AGBL4: variants seen among roughly 807,000 people sequenced by gnomAD.
AGBL4 encodes AGBL carboxypeptidase 4, also known as cytosolic carboxypeptidase 6.
AGBL4 carries 58 observed loss-of-function variants against 66.4 expected under a neutral mutation model. That is an observed-to-expected ratio of 0.87 (90% CI 0.71 to 1.09). The LOEUF (loss-of-function observed/expected upper bound fraction) is 1.09, where lower values mean the gene tolerates loss of function less well. Ranked by LOEUF, AGBL4 falls within the 50% of genes least tolerant of loss-of-function variation. The probability of loss-of-function intolerance (pLI) is 0.00; values close to 1 mark genes in which losing one functional copy is unlikely to be tolerated. For missense variants in AGBL4, 579 were observed against 631.0 expected (o/e 0.92, Z 0.88); for synonymous variants, 234 against 222.9 (o/e 1.05, Z -0.44).
At chr1:49,878,117 G>C (rs1246685158) in intron 1 of AGBL4, among the ~76,000 whole-genome samples, 1 of 147,794 alleles carries the variant, frequency 6.8e-6, no homozygotes, top group East Asian at 1.9e-4. Context: ...CCAGCTCCTG[G>C]ATTCACTGAT....
chr1:48,696,179 G>A (rs1646711603), intron 6 of AGBL4, among the ~76,000 whole-genome samples: 1 of 152,172 alleles, frequency 6.6e-6, no homozygotes, highest in African/African-American at 2.4e-5. Flanking sequence ...CAATTAGCCA[G>A]CTGCCAGGTG....
Position 48,663,187 on chromosome 1 carries a change from T to G in AGBL4, c.689A>C (p.His230Pro). The change falls in exon 7 of 14, where the codon CAC becomes CCC. Residue 230 changes from histidine to proline, a missense_variant. Transcript: ENST00000371839. ...QKVVFITGRVHPGETPSSFVC... is the reference protein window; with the variant it reads ...QKVVFITGRVPPGETPSSFVC... ...AAATGATGAGGGTGTTTCCCCTGGG[T>G]GGACTCGTCCTGTGATGAATACCAC... 6.2e-7 allele frequency: 1 copy of G among 1,613,976 alleles called. No individual in the cohort carries two copies. The highest frequency in any genetic ancestry group is 1.3e-5 in the African/African-American group (1 of 75,042).
intron 3 of AGBL4, among the ~76,000 whole-genome samples, chr1:49,524,471 A>C (rs1316322822): frequency 6.6e-6 from 1 of 152,104 alleles, no homozygotes; most frequent in Non-Finnish European, 1.5e-5. Flanking sequence ...TTTAACCAAA[A>C]GAGAATATAG....
At chr1:49,037,951 A>C (rs1664795667) in intron 5 of AGBL4, among the ~76,000 whole-genome samples, 1 of 152,130 alleles carries the variant, frequency 6.6e-6, no homozygotes, top group Non-Finnish European at 1.5e-5. Flanking sequence ...TTATGTAGAC[A>C]AATTACTTAA....
chr1:49,574,639 C>T (rs1021446469), intron 3 of AGBL4, among the ~76,000 whole-genome samples: 6 of 152,054 alleles, frequency 3.9e-5, no homozygotes, highest in Non-Finnish European at 7.4e-5. Context: ...ACAGTGGGAA[C>T]CACAGTCACT....
intron 8 of AGBL4, among the ~76,000 whole-genome samples, chr1:48,641,087 C>T (rs1337346284): frequency 1.3e-5 from 2 of 152,112 alleles, no homozygotes; most frequent in African/African-American, 4.8e-5. Context: ...AGCAATTGTC[C>T]CCCAAACACA....
intron 6 of AGBL4, among the ~76,000 whole-genome samples, chr1:48,705,283 C>T (rs1557891508): frequency 2.0e-5 from 3 of 151,888 alleles, no homozygotes. Context: ...AGAAAGTATA[C>T]AATTGGGTGA....
chr1:48,639,988 A>G lies in AGBL4; in HGVS notation c.840-5384T>C, dbSNP rs78899558. 2.1e-3 allele frequency among the ~76,000 whole-genome samples: 320 copies of G among 152,262 alleles called. 11 individuals carry two copies. In the East Asian group the frequency reaches 0.053, roughly 25 times the overall value. On this transcript the variant is annotated intron_variant, in intron 8 of 13. Coordinates refer to ENST00000371839, the MANE Select transcript of AGBL4 (RefSeq NM_032785.4). ...CAGATGCCAGGCTCTCACTCCTATG[A>G]CTGCCAGTTTAGAGTTACTGAATGC...
intron 3 of AGBL4, among the ~76,000 whole-genome samples, chr1:49,415,132 G>A (rs1645399242): frequency 6.6e-6 from 1 of 152,094 alleles, no homozygotes; most frequent in African/African-American, 2.4e-5. Context: ...TTCTTCGCTA[G>A]CCCAAGGACT....
chr1:49,674,878 A>T (rs766947132), intron 3 of AGBL4, among the ~76,000 whole-genome samples: 9 of 152,294 alleles, frequency 5.9e-5, no homozygotes, highest in Non-Finnish European at 1.0e-4. Flanking sequence ...CATGCAGTTA[A>T]TACCATGATC....
At chr1:49,194,683 T>G (rs971710699) in intron 4 of AGBL4, among the ~76,000 whole-genome samples, 1 of 152,126 alleles carries the variant, frequency 6.6e-6, no homozygotes, top group African/African-American at 2.4e-5. Context: ...CACAGCCAAG[T>G]TAGAGATCAA....
intron 2 of AGBL4, among the ~76,000 whole-genome samples, chr1:49,747,036 G>A (rs1037548963): frequency 3.9e-5 from 6 of 152,138 alleles, no homozygotes; most frequent in African/African-American, 1.4e-4. Context: ...CACAAATGTA[G>A]AAAACAGGTC....
chr1:49,648,650 A>C (rs1241318430), intron 3 of AGBL4, among the ~76,000 whole-genome samples: 1 of 152,104 alleles, frequency 6.6e-6, no homozygotes, highest in African/African-American at 2.4e-5. Flanking sequence ...GGTAAGTAAA[A>C]ATAAGAATTA....
intron 4 of AGBL4, among the ~76,000 whole-genome samples, chr1:49,180,129 C>G (rs1216354656): frequency 6.6e-6 from 1 of 152,022 alleles, no homozygotes; most frequent in African/African-American, 2.4e-5. Context: ...AACTCCTGAC[C>G]TCAGGTGATC....
In AGBL4 at chr1:49,831,901, G is replaced by A. The variant is rs185052118; in HGVS notation, c.157+19495C>T. On this transcript the variant is annotated intron_variant, in intron 2 of 13. Coordinates refer to ENST00000371839, the MANE Select transcript of AGBL4 (RefSeq NM_032785.4). ...TTGTCATTGGTTCTGTTTATGTGATGAATTACATTTATTAATTTGCATATG... is the reference window on the plus strand; with the variant it reads ...TTGTCATTGGTTCTGTTTATGTGATAAATTACATTTATTAATTTGCATATG... Among the ~76,000 whole-genome samples, 1,157 of 152,112 alleles carry A rather than the reference G, an allele frequency of 7.6e-3. 12 individuals carry two copies. Among genetic ancestry groups the A allele is most frequent in the Admixed American group, 9.6e-3 (146 of 15,276 alleles).
chr1:49,485,597 T>TA (rs1184418525), intron 3 of AGBL4, among the ~76,000 whole-genome samples: 2 of 150,570 alleles, frequency 1.3e-5, no homozygotes. Context: ...CCCTAAAACT[T>TA]AAAGTATAAT....
At chr1:49,754,185 G>A (rs892686673) in intron 2 of AGBL4, among the ~76,000 whole-genome samples, 1 of 151,870 alleles carries the variant, frequency 6.6e-6, no homozygotes, top group Non-Finnish European at 1.5e-5. Flanking sequence ...TTTTTACACG[G>A]GTTTTTCCTC....
At chr1:48,847,489 T>C (rs1468449601) in intron 6 of AGBL4, among the ~76,000 whole-genome samples, 1 of 151,896 alleles carries the variant, frequency 6.6e-6, no homozygotes, top group Non-Finnish European at 1.5e-5. Flanking sequence ...CCTGAGTGAA[T>C]CACACAACCT....
intron 4 of AGBL4, among the ~76,000 whole-genome samples, chr1:49,085,716 A>G (rs548215643): frequency 2.7e-4 from 41 of 152,018 alleles, no homozygotes; most frequent in Non-Finnish European, 5.4e-4. Flanking sequence ...AAGTTATCCA[A>G]CAGAAGAAAG....
Sources: gnomAD v4.1 joint callset for allele counts (sites outside exome capture counted in the v4.1 genomes callset) on GRCh38, gnomAD v4.1.1 for gene constraint, MANE v1.5 for transcripts, NCBI Gene and HGNC (gene_info 2026-07-23, HGNC 2026-07-21) for gene names.